Variants in CNTNAP2 observed in about 807,000 individuals in gnomAD.
The protein encoded by CNTNAP2 is contactin associated protein 2.
CNTNAP2 carries 98 observed loss-of-function variants against 155.2 expected under a neutral mutation model. The observed-to-expected ratio is 0.63, with a 90% CI of 0.54 to 0.75. CNTNAP2 has a LOEUF of 0.75. Ranked by LOEUF, CNTNAP2 falls within the 30% of genes least tolerant of loss-of-function variation. The pLI, the probability that CNTNAP2 is intolerant of heterozygous loss-of-function variation, is 0.00. For missense variants in CNTNAP2, 1,727 were observed against 1,688.1 expected, an observed-to-expected ratio of 1.02 and a Z score of -0.40; for synonymous variants, 651 against 631.2, an observed-to-expected ratio of 1.03 and a Z score of -0.47.
At chr7:147,323,775 A>G (rs1584873049) in intron 9 of CNTNAP2, among the ~76,000 whole-genome samples, 1 of 152,178 alleles carries the variant, frequency 6.6e-6, no homozygotes, top group South Asian at 2.1e-4. Flanking sequence ...AATTATTTAG[A>G]GTAGTAAAAT....
At chr7:146,826,855 TATAG>T (rs1405629067) in intron 2 of CNTNAP2, among the ~76,000 whole-genome samples, 44 of 140,078 alleles carry the variant, frequency 3.1e-4, no homozygotes, top group African/African-American at 6.1e-4. Flanking sequence ...TATATATATA[TATAG>T]AGAGAGAGAG....
rs1053861767 is a variant in CNTNAP2, at chr7:147,242,466, C to A, written c.1349-57675C>A. Among the ~76,000 whole-genome samples the A allele has an allele frequency of 2.0e-5, 3 of 152,126 alleles. No homozygotes were observed. The East Asian group carries it at 5.8e-4, about 29-fold the overall frequency. On this transcript the variant is annotated intron_variant, in intron 8 of 23. Coordinates refer to ENST00000361727, the MANE Select transcript of CNTNAP2 (RefSeq NM_014141.6). Reference sequence around the variant, plus strand: ...TTGGGAATTTTTGTTTAATTATAATCCATGTGTATATTCCTTGAAATCTGT... The same window carrying A: ...TTGGGAATTTTTGTTTAATTATAATACATGTGTATATTCCTTGAAATCTGT...
intron 14 of CNTNAP2, among the ~76,000 whole-genome samples, chr7:147,949,620 T>C (rs1048041947): frequency 2.7e-4 from 41 of 152,080 alleles, no homozygotes; most frequent in African/African-American, 1.7e-4. Context: ...AAAAGGAACC[T>C]GGTTATTTAG....
At chr7:146,451,808 C>CTA (rs753597972) in intron 1 of CNTNAP2, among the ~76,000 whole-genome samples, 1,557 of 96,434 alleles carry the variant, frequency 0.016, 12 homozygotes, top group Non-Finnish European at 0.026. Context: ...AAGGTCTCTT[C>CTA]TATATATATA....
chr7:148,062,245 A>G (rs1016112081), intron 15 of CNTNAP2, among the ~76,000 whole-genome samples: 1 of 152,006 alleles, frequency 6.6e-6, no homozygotes, highest in Non-Finnish European at 1.5e-5. Flanking sequence ...TAAAGGAAAA[A>G]CCGGGTAACT....
At chr7:146,299,153 C>T (rs1269550988) in intron 1 of CNTNAP2, among the ~76,000 whole-genome samples, 5 of 152,044 alleles carry the variant, frequency 3.3e-5, no homozygotes, top group African/African-American at 1.2e-4. Context: ...TGCCTGTAAT[C>T]CCAGCTACTT....
intron 10 of CNTNAP2, among the ~76,000 whole-genome samples, chr7:147,407,485 A>G (rs1280893919): frequency 2.0e-5 from 3 of 147,682 alleles, no homozygotes; most frequent in East Asian, 2.0e-4. Context: ...AAAAAAAAAA[A>G]AAAAAAAAAA....
chr7:146,146,464 C>T (rs1797959388), intron 1 of CNTNAP2, among the ~76,000 whole-genome samples: 1 of 151,922 alleles, frequency 6.6e-6, no homozygotes, highest in Non-Finnish European at 1.5e-5. Flanking sequence ...TAATGTAGGC[C>T]TAATCATTAT....
At chr7:147,322,253 G>A (rs985124895) in intron 9 of CNTNAP2, among the ~76,000 whole-genome samples, 1 of 152,140 alleles carries the variant, frequency 6.6e-6, no homozygotes, top group Non-Finnish European at 1.5e-5. Context: ...TAGTTGCAAG[G>A]GATATTGGAT....
At chr7:146,682,881 T>C (rs1052398145) in intron 1 of CNTNAP2, among the ~76,000 whole-genome samples, 2 of 152,192 alleles carry the variant, frequency 1.3e-5, no homozygotes, top group African/African-American at 2.4e-5. Flanking sequence ...ATGCACTGGA[T>C]TGTTTCATCC....
intron 15 of CNTNAP2, among the ~76,000 whole-genome samples, chr7:148,068,161 C>A (rs1199057983): frequency 6.6e-6 from 1 of 152,138 alleles, no homozygotes; most frequent in Non-Finnish European, 1.5e-5. Context: ...TTCTGTTCAC[C>A]CCCTACCCCA....
intron 1 of CNTNAP2, among the ~76,000 whole-genome samples, chr7:146,272,684 A>T (rs536190355): frequency 6.6e-6 from 1 of 152,252 alleles, no homozygotes; most frequent in Admixed American, 6.5e-5. Flanking sequence ...GCACACACAC[A>T]TCCACATACA....
intron 1 of CNTNAP2, among the ~76,000 whole-genome samples, chr7:146,375,294 G>A (rs1795290067): frequency 6.6e-6 from 1 of 152,184 alleles, no homozygotes; most frequent in African/African-American, 2.4e-5. Flanking sequence ...TCATATTGCA[G>A]GAGTATGGAC....
intron 16 of CNTNAP2, among the ~76,000 whole-genome samples, chr7:148,141,918 G>A (rs1805080985): frequency 6.6e-6 from 1 of 152,210 alleles, no homozygotes; most frequent in African/African-American, 2.4e-5. Flanking sequence ...GTCCTATGTG[G>A]TGGAATTAGA....
At chr7:146,628,720 T>G (rs551208940) in intron 1 of CNTNAP2, among the ~76,000 whole-genome samples, 1 of 152,002 alleles carries the variant, frequency 6.6e-6, no homozygotes, top group Admixed American at 6.6e-5. Flanking sequence ...ATTTAGAGAC[T>G]GTACTTCGAT....
At chr7:147,584,715 A>T (rs1034374005) in intron 12 of CNTNAP2, among the ~76,000 whole-genome samples, 1 of 152,190 alleles carries the variant, frequency 6.6e-6, no homozygotes, top group African/African-American at 2.4e-5. Flanking sequence ...GATGTGAAAA[A>T]TTCAGAGCTT....
intron 1 of CNTNAP2, among the ~76,000 whole-genome samples, chr7:146,476,015 T>C (rs916940555): frequency 6.6e-6 from 1 of 152,140 alleles, no homozygotes; most frequent in African/African-American, 2.4e-5. Flanking sequence ...TTGATATTGA[T>C]TAGGAAGCTG....
intron 13 of CNTNAP2, chr7:147,643,620 A>C (rs1462782140): frequency 6.6e-6 from 1 of 152,228 alleles, no homozygotes; most frequent in African/African-American, 2.4e-5. Flanking sequence ...GACTGAAATT[A>C]TATTAGAACT....
intron 10 of CNTNAP2, among the ~76,000 whole-genome samples, chr7:147,413,292 T>C (rs1797134382): frequency 6.6e-6 from 1 of 152,190 alleles, no homozygotes; most frequent in Admixed American, 6.5e-5. Flanking sequence ...CACGAGGGAA[T>C]GGAAGCGTTG....
Sources: gnomAD v4.1 joint callset for allele counts (sites outside exome capture counted in the v4.1 genomes callset) on GRCh38, gnomAD v4.1.1 for gene constraint, MANE v1.5 for transcripts, NCBI Gene and HGNC (gene_info 2026-07-23, HGNC 2026-07-21) for gene names.